The following FGF12 variants were observed in gnomAD, a reference collection of about 807,000 sequenced individuals.
FGF12 encodes fibroblast growth factor 12.
FGF12 carries 14 observed loss-of-function variants against 23.6 expected under a neutral mutation model. The observed-to-expected ratio is 0.59, with a 90% CI of 0.39 to 0.93. FGF12 has a LOEUF of 0.93. Among genes scored for constraint, FGF12 ranks in the 40% least tolerant of loss-of-function variants. The pLI, the probability that FGF12 is intolerant of heterozygous loss-of-function variation, is 0.00. For synonymous variants in FGF12, 62 were observed against 77.3 expected (o/e 0.80, Z 1.04); for missense variants, 175 against 217.8 (o/e 0.80, Z 1.24).
At chr3:192,157,847 C>T (rs930240467) in intron 5 of FGF12, among the ~76,000 whole-genome samples, 16 of 152,290 alleles carry the variant, frequency 1.1e-4, no homozygotes, top group South Asian at 2.1e-4. Flanking sequence ...TAATATCTAA[C>T]GTTAACTGAG....
rs190741461 is a variant in FGF12 at position 192,623,588 on chromosome 3, A to C, written c.13+103593T>G. ...GATGTATTGGTTTTGTTTTGCAGAA[A>C]GAGCAAGGCTCTATGAATGAAGGAA... On this transcript the variant is annotated intron_variant, in intron 2 of 5. Transcript: ENST00000445105. 1.7e-4 allele frequency among the ~76,000 whole-genome samples: 26 copies of C among 152,348 alleles called. No homozygotes were observed. In the East Asian group the frequency reaches 4.6e-3, roughly 27 times the overall value.
chr3:192,449,146 C>A (rs1722447828), intron 2 of FGF12, among the ~76,000 whole-genome samples: 1 of 152,196 alleles, frequency 6.6e-6, no homozygotes, highest in South Asian at 2.1e-4. Flanking sequence ...CAAATCCATC[C>A]TTCATTACCT....
At chr3:192,703,826 T>G (rs942604379) in intron 2 of FGF12, among the ~76,000 whole-genome samples, 1 of 152,204 alleles carries the variant, frequency 6.6e-6, no homozygotes, top group Non-Finnish European at 1.5e-5. Context: ...TTATAAGTGT[T>G]TGACAGTTCC....
intron 2 of FGF12, among the ~76,000 whole-genome samples, chr3:192,517,386 ATTTATG>A (rs1055130809): frequency 1.3e-5 from 2 of 152,196 alleles, no homozygotes; most frequent in African/African-American, 4.8e-5. Flanking sequence ...TATAGGAAGC[ATTTATG>A]TGTGAGTCTT....
rs537373153 is a variant in FGF12, at chr3:192,318,965, A to AAAAAC, written c.228+16391_228+16395dup. Among the ~76,000 whole-genome samples, 112 of 152,126 alleles carry AAAAAC rather than the reference A, an allele frequency of 7.4e-4. 1 individual carries two copies. Among genetic ancestry groups the AAAAAC allele is most frequent in the African/African-American group, 1.7e-3 (71 of 41,532 alleles). On this transcript the variant is annotated intron_variant, in intron 4 of 5. Transcript: ENST00000445105. ...GACATATTTAAAGTCCTGAAGGGGG[A>AAAAAC]AAAACAAAACAAAACAAAACAAAAC...
chr3:192,276,375 G>A (rs1407199747), intron 4 of FGF12, among the ~76,000 whole-genome samples: 1 of 152,170 alleles, frequency 6.6e-6, no homozygotes, highest in Non-Finnish European at 1.5e-5. Context: ...TCATCATCCA[G>A]CGCAAATCAC....
At chr3:192,161,124 A>C (rs553738465) in intron 5 of FGF12, among the ~76,000 whole-genome samples, 2 of 152,222 alleles carry the variant, frequency 1.3e-5, no homozygotes, top group African/African-American at 4.8e-5. Flanking sequence ...AAGAGATTCT[A>C]AGGATCATTG....
At chr3:192,185,562 TAA>T (rs1178058098) in intron 4 of FGF12, among the ~76,000 whole-genome samples, 2 of 151,486 alleles carry the variant, frequency 1.3e-5, no homozygotes. Flanking sequence ...AATTGAAAGG[TAA>T]AAGTTATAGC....
chr3:192,501,077 C>A (rs1577021676), intron 2 of FGF12, among the ~76,000 whole-genome samples: 1 of 152,014 alleles, frequency 6.6e-6, no homozygotes, highest in African/African-American at 2.4e-5. Flanking sequence ...AAATAAGATG[C>A]AGAGAGATAA....
At chr3:192,441,147 A>G (rs563148215) in intron 2 of FGF12, among the ~76,000 whole-genome samples, 3 of 152,316 alleles carry the variant, frequency 2.0e-5, no homozygotes, top group African/African-American at 7.2e-5. Flanking sequence ...TGGGCAAATT[A>G]TTTCACTTTC....
chr3:192,311,721 A>C (rs1430930301), intron 4 of FGF12, among the ~76,000 whole-genome samples: 1 of 152,236 alleles, frequency 6.6e-6, no homozygotes, highest in East Asian at 1.9e-4. Flanking sequence ...AGAAACTGCC[A>C]GACTGTCTTA....
At chr3:192,330,150 C>T (rs547500346) in intron 4 of FGF12, among the ~76,000 whole-genome samples, 19 of 152,180 alleles carry the variant, frequency 1.2e-4, no homozygotes, top group African/African-American at 4.6e-4. Context: ...TCCATACTAC[C>T]GGAGACAATC....
chr3:192,698,358 T>C (rs2108727616), intron 2 of FGF12, among the ~76,000 whole-genome samples: 1 of 152,320 alleles, frequency 6.6e-6, no homozygotes, highest in East Asian at 1.9e-4. Context: ...CCAAGTTTTG[T>C]TTATGTAGCT....
intron 5 of FGF12, among the ~76,000 whole-genome samples, chr3:192,167,856 A>G (rs578051329): frequency 8.3e-5 from 12 of 143,808 alleles, no homozygotes; most frequent in African/African-American, 3.1e-4. Flanking sequence ...GCTCACTGCA[A>G]TCTCCACCTC....
At chr3:192,518,684 C>T (rs144091651) in intron 2 of FGF12, among the ~76,000 whole-genome samples, 315 of 152,182 alleles carry the variant, frequency 2.1e-3, no homozygotes, top group African/African-American at 7.1e-3. Flanking sequence ...AAAATCAGTA[C>T]GATATCTAAC....
At chr3:192,601,152 T>A (rs1577073527) in intron 2 of FGF12, among the ~76,000 whole-genome samples, 1 of 152,004 alleles carries the variant, frequency 6.6e-6, no homozygotes, top group Non-Finnish European at 1.5e-5. Flanking sequence ...CACAGCAACA[T>A]GGATGGAAGT....
chr3:192,233,841 G>A (rs1468939594), intron 4 of FGF12, among the ~76,000 whole-genome samples: 1 of 152,100 alleles, frequency 6.6e-6, no homozygotes, highest in African/African-American at 2.4e-5. Flanking sequence ...CTTTGTCAAA[G>A]ATCACATGGT....
chr3:192,303,078 C>A (rs1715430817), intron 4 of FGF12, among the ~76,000 whole-genome samples: 1 of 152,142 alleles, frequency 6.6e-6, no homozygotes, highest in South Asian at 2.1e-4. Context: ...TTAGAAAAAA[C>A]AGTCCTTATT....
chr3:192,660,662 A>G lies in FGF12; in HGVS notation c.13+66519T>C, dbSNP rs574622825. ...TTCAACTTACAAGGGATGAAAAATT[A>G]TCTTCTTCAGAGCCAAAGAAGTATC... On this transcript the variant is annotated intron_variant, in intron 2 of 5. Transcript: ENST00000445105. Among the ~76,000 whole-genome samples, 8 of 152,330 alleles carry G rather than the reference A, an allele frequency of 5.3e-5. No homozygotes were observed. The East Asian group carries it at 1.5e-3, about 29-fold the overall frequency.
Sources: allele counts gnomAD v4.1 joint callset (sites outside exome capture counted in the v4.1 genomes callset), GRCh38; gene constraint gnomAD v4.1.1; transcripts MANE v1.5; gene names NCBI Gene and HGNC (gene_info 2026-07-23, HGNC 2026-07-21).